The following ERN1 variants were observed in gnomAD, a reference collection of about 807,000 sequenced individuals.
The protein encoded by ERN1 is serine/threonine-protein kinase/endoribonuclease IRE1.
In ERN1, 39 loss-of-function variants were observed where a neutral mutation model predicts 113.1. The ratio of observed to expected loss-of-function variants is 0.34; its 90% CI spans 0.27 to 0.45. The LOEUF (loss-of-function observed/expected upper bound fraction) is 0.45, where lower values mean the gene tolerates loss of function less well. ERN1 is among the 20% of genes least tolerant of loss of function. The pLI is 1.00. For missense variants in ERN1, 976 were observed against 1,274.8 expected, an observed-to-expected ratio of 0.77 and a Z score of 3.57; for synonymous variants, 507 against 515.9, an observed-to-expected ratio of 0.98 and a Z score of 0.23.
In ERN1 at chr17:64,080,797, G is replaced by C. The variant is rs752988083; in HGVS notation, c.187C>G (p.Gln63Glu). The C allele has an allele frequency of 2.5e-6, 4 of 1,610,540 alleles. No homozygotes were observed. In the African/African-American group the frequency reaches 5.3e-5, roughly 22 times the overall value. ...KWTLKEDPVL[Q>E]VPTHVEEPAF... ...TACTCTTCCACATGTGTTGGGACCTGCAGGACTGGATCTGTGCAAAAGAAC... is the reference window on the plus strand; with the variant it reads ...TACTCTTCCACATGTGTTGGGACCTCCAGGACTGGATCTGTGCAAAAGAAC... The change falls in exon 3 of 22, where the codon CAG becomes GAG. Residue 63 changes from glutamine (Q) to glutamate (E), a missense_variant. Gln to Glu is a conservative substitution (Grantham distance 29). Coordinates refer to ENST00000433197, the MANE Select transcript of ERN1 (RefSeq NM_001433.5).
Position 64,044,035 on chromosome 17 carries a change from G to A in ERN1, c.2887C>T (p.His963Tyr). 1 of 1,613,486 alleles carries A rather than the reference G, an allele frequency of 6.2e-7. No individual in the cohort carries two copies. Among genetic ancestry groups the A allele is most frequent in the South Asian group, 1.1e-5 (1 of 91,010 alleles). Residue 963 changes from histidine to tyrosine, a missense_variant, in exon 22 of 22, where the codon CAC (histidine) becomes TAC (tyrosine). Physicochemically the swap from His to Tyr is moderately conservative, Grantham distance 83. Around this residue, in one of 5 missense-constraint regions of ERN1, gnomAD observed 92 missense variants for 87.3 expected, o/e 1.05. Transcript: ENST00000433197. The surrounding 1 kb of genome is among the most constrained non-coding windows in gnomAD (Gnocchi z 4.1). The stretch of plus-strand genomic sequence containing the variant: ...GGGGGCTGGGGCTCTGGGGGCTCGT[G>A]GAAGTAGTAGGGCTGGAAGAGTCTC... ...HERLFQPYYF[H>Y]EPPEPQPPVT...
At chr17:64,121,645 A>C (rs896458702) in intron 1 of ERN1, among the ~76,000 whole-genome samples, 2 of 152,136 alleles carry the variant, frequency 1.3e-5, no homozygotes, top group African/African-American at 4.8e-5. Flanking sequence ...GCCCGCCACC[A>C]TGCCTGGCTA....
At chr17:64,101,713 C>T (rs994038989) in intron 1 of ERN1, among the ~76,000 whole-genome samples, 1 of 152,148 alleles carries the variant, frequency 6.6e-6, no homozygotes, top group Non-Finnish European at 1.5e-5. Context: ...AGTTTAGAAA[C>T]ACAGGGGTCT....
intron 1 of ERN1, among the ~76,000 whole-genome samples, chr17:64,121,766 C>T (rs781200463): frequency 2.0e-5 from 3 of 152,188 alleles, no homozygotes; most frequent in Admixed American, 2.0e-4. Flanking sequence ...GAATTACAGG[C>T]GTGAGCCACT....
At chr17:64,117,740 T>C (rs1222586477) in intron 1 of ERN1, among the ~76,000 whole-genome samples, 1 of 152,184 alleles carries the variant, frequency 6.6e-6, no homozygotes, top group Non-Finnish European at 1.5e-5. Context: ...CGAGAGCCGA[T>C]GAAACCACAC....
In ERN1 at chr17:64,054,209, T is replaced by C. The variant is rs1912778546; in HGVS notation, c.1953+41A>G. On this transcript the variant is annotated intron_variant, in intron 15 of 21. Coordinates refer to ENST00000433197, the MANE Select transcript of ERN1 (RefSeq NM_001433.5). The surrounding 1 kb of genome is among the most constrained non-coding windows in gnomAD (Gnocchi z 4.9). ...CTCACTTTGGCCTCCCAAAGTGCTA[T>C]GACTTTAATAAAGTTAACAAAATAA... The C allele has an allele frequency of 1.9e-6, 3 of 1,540,040 alleles. No homozygotes were observed. The highest frequency in any genetic ancestry group is 1.8e-6 in the Non-Finnish European group (2 of 1,138,156).
intron 5 of ERN1, among the ~76,000 whole-genome samples, chr17:64,074,771 C>T (rs979168700): frequency 9.2e-5 from 14 of 152,206 alleles, no homozygotes; most frequent in African/African-American, 3.4e-4. Flanking sequence ...CTATTAAGTG[C>T]TGTTCTATCA....
chr17:64,099,645 T>C (rs893093817), intron 1 of ERN1, among the ~76,000 whole-genome samples: 1 of 152,088 alleles, frequency 6.6e-6, no homozygotes, highest in Non-Finnish European at 1.5e-5. Context: ...TTGGGGTTAT[T>C]TGTGCATGGG....
At chr17:64,057,769 G>C in intron 12 of ERN1, 33 bp downstream of exon 12, 1 of 1,599,598 alleles carries the variant, frequency 6.3e-7, no homozygotes, top group Non-Finnish European at 8.6e-7. Flanking sequence ...CCCAGAAATA[G>C]GTGGATGGCA....
chr17:64,116,068 A>C (rs1054815180), intron 1 of ERN1, among the ~76,000 whole-genome samples: 1 of 152,198 alleles, frequency 6.6e-6, no homozygotes, highest in Non-Finnish European at 1.5e-5. Context: ...CAACATTAGA[A>C]ATTAGTAATA....
intron 6 of ERN1, among the ~76,000 whole-genome samples, chr17:64,071,183 C>G (rs1913402713): frequency 6.6e-6 from 1 of 152,186 alleles, no homozygotes; most frequent in South Asian, 2.1e-4. Context: ...GGCCTGTTAA[C>G]TGCTACGTGT....
chr17:64,110,439 G>A (rs975450460), intron 1 of ERN1, among the ~76,000 whole-genome samples: 1 of 152,116 alleles, frequency 6.6e-6, no homozygotes, highest in Non-Finnish European at 1.5e-5. Context: ...TTATATAATA[G>A]ATCTCCTGAA....
chr17:64,064,213 C>T (rs1433400079), intron 9 of ERN1, 62 bp from the exon 10 acceptor site: 3 of 1,503,568 alleles, frequency 2.0e-6, no homozygotes, highest in Non-Finnish European at 2.7e-6. Flanking sequence ...CACGGCACAC[C>T]ATCCCAGCCA....
intron 2 of ERN1, among the ~76,000 whole-genome samples, chr17:64,084,859 C>T (rs577538655): frequency 3.0e-4 from 45 of 152,202 alleles, no homozygotes; most frequent in Non-Finnish European, 1.8e-4. Flanking sequence ...CCTGCCCATG[C>T]CTCAGGACCT....
At chr17:64,098,280 T>C in intron 1 of ERN1, 39 bp from the exon 2 acceptor site, 1 of 1,613,046 alleles carries the variant, frequency 6.2e-7, no homozygotes, top group Non-Finnish European at 8.5e-7. Flanking sequence ...GTTGATATGA[T>C]TCTTCACCTT....
At chr17:64,093,036 G>A (rs777002944) in intron 2 of ERN1, among the ~76,000 whole-genome samples, 9 of 151,958 alleles carry the variant, frequency 5.9e-5, no homozygotes, top group Admixed American at 1.3e-4. Context: ...TCTCTATTAC[G>A]TATAATTTGC....
chr17:64,126,731 A>G (rs916970773), intron 1 of ERN1, among the ~76,000 whole-genome samples: 1 of 152,176 alleles, frequency 6.6e-6, no homozygotes, highest in African/African-American at 2.4e-5. Flanking sequence ...GATATCGCCT[A>G]TTAGGATAAT....
rs554931138 is a variant in ERN1 at position 64,111,867 on chromosome 17, T to A, written c.55-13626A>T. ...AAATATTAAGGGAGACTATTTAATT[T>A]AAAAAAAAATTGGTGGCAGCCAAAG... On this transcript the variant is annotated intron_variant, in intron 1 of 21. Coordinates refer to ENST00000433197, the MANE Select transcript of ERN1 (RefSeq NM_001433.5). Among the ~76,000 whole-genome samples, 27 of 151,696 alleles carry A rather than the reference T, an allele frequency of 1.8e-4. No homozygotes were observed. The South Asian group carries it at 5.0e-3, about 28-fold the overall frequency.
At chr17:64,129,687 C>T in intron 1 of ERN1, 1 of 374,784 alleles carries the variant, frequency 2.7e-6, no homozygotes, top group Non-Finnish European at 4.7e-6. Context: ...GAAGTTGCGC[C>T]CGAGCCCGCG....
Sources: allele counts gnomAD v4.1 joint callset (sites outside exome capture counted in the v4.1 genomes callset), GRCh38; gene constraint gnomAD v4.1.1; regional missense constraint gnomAD v4.1.1; non-coding constraint Gnocchi (gnomAD v3.1); transcripts MANE v1.5; gene names NCBI Gene and HGNC (gene_info 2026-07-23, HGNC 2026-07-21).